Variants in EEF1AKMT1 observed in about 807,000 individuals in gnomAD.
The protein encoded by EEF1AKMT1 is N-6 adenine-specific DNA methyltransferase 2 (putative).
EEF1AKMT1 carries 18 observed loss-of-function variants against 21.0 expected under a neutral mutation model. The ratio of observed to expected loss-of-function variants is 0.86; its 90% confidence interval spans 0.59 to 1.27. The LOEUF (loss-of-function observed/expected upper bound fraction) is 1.27, where lower values mean the gene tolerates loss of function less well. Among genes scored for constraint, EEF1AKMT1 ranks in the 50% most tolerant of loss-of-function variants. EEF1AKMT1 has a pLI of 0.00. For missense variants in EEF1AKMT1, 246 were observed against 258.6 expected, an observed-to-expected ratio of 0.95 and a Z score of 0.33; for synonymous variants, 109 against 94.8, an observed-to-expected ratio of 1.15 and a Z score of -0.87.
chr13:20,762,783 G>A (rs1397321868), intron 1 of EEF1AKMT1, among the ~76,000 whole-genome samples: 1 of 152,096 alleles, frequency 6.6e-6, no homozygotes, highest in Non-Finnish European at 1.5e-5. Context: ...GAAAGTGCTG[G>A]GATTACAGGT....
chr13:20,748,726 G>GTTTTTTTTTTTTTTT (rs750094631), intron 2 of EEF1AKMT1, among the ~76,000 whole-genome samples: 58 of 72,602 alleles, frequency 8.0e-4, no homozygotes, highest in African/African-American at 3.5e-3. Context: ...TTTTTTTTTG[G>GTTTTTTTTTTTTTTT]TTTTTTTTTT....
chr13:20,738,355 G>A (rs1249816705), intron 2 of EEF1AKMT1, among the ~76,000 whole-genome samples: 1 of 152,170 alleles, frequency 6.6e-6, no homozygotes, highest in Non-Finnish European at 1.5e-5. Context: ...TCTGCTTCAT[G>A]CTGATTGGTG....
intron 1 of EEF1AKMT1, among the ~76,000 whole-genome samples, chr13:20,762,647 G>A (rs2059006769): frequency 6.6e-6 from 1 of 152,064 alleles, no homozygotes; most frequent in Non-Finnish European, 1.5e-5. Context: ...CCAAGCAGCT[G>A]GGACTACAGG....
chr13:20,744,380 T>G (rs2058890901), intron 2 of EEF1AKMT1, among the ~76,000 whole-genome samples: 1 of 152,238 alleles, frequency 6.6e-6, no homozygotes, highest in Non-Finnish European at 1.5e-5. Context: ...CCATTCTAAC[T>G]GGAGTGAGAT....
At chr13:20,730,628 C>A (rs2058787153) in intron 4 of EEF1AKMT1, among the ~76,000 whole-genome samples, 1 of 152,114 alleles carries the variant, frequency 6.6e-6, no homozygotes, top group Non-Finnish European at 1.5e-5. Context: ...AGAGGTGAAG[C>A]CAGCTGGACT....
intron 2 of EEF1AKMT1, 108 bp from the exon 3 acceptor site, chr13:20,737,913 A>T: frequency 1.4e-6 from 1 of 714,054 alleles, no homozygotes. Context: ...CTTTTAATTT[A>T]TATATAATCT....
chr13:20,763,584 C>T (rs2059012315), intron 1 of EEF1AKMT1, among the ~76,000 whole-genome samples: 1 of 152,042 alleles, frequency 6.6e-6, no homozygotes, highest in South Asian at 2.1e-4. Context: ...TCCCAAATAG[C>T]TGGGATTACA....
intron 1 of EEF1AKMT1, among the ~76,000 whole-genome samples, chr13:20,770,299 T>A (rs1255767130): frequency 1.6e-5 from 2 of 128,408 alleles, no homozygotes; most frequent in South Asian, 4.9e-4. Flanking sequence ...TGCTAGGGGC[T>A]GGGGGGAGGG....
intron 3 of EEF1AKMT1, among the ~76,000 whole-genome samples, chr13:20,735,549 T>C (rs1419201286): frequency 1.3e-5 from 2 of 152,026 alleles, no homozygotes; most frequent in African/African-American, 4.8e-5. Context: ...AGGAGAATCT[T>C]CCCTGGACCA....
chr13:20,765,169 G>T (rs551796641), intron 1 of EEF1AKMT1, among the ~76,000 whole-genome samples: 4 of 152,088 alleles, frequency 2.6e-5, no homozygotes, highest in Admixed American at 6.5e-5. Context: ...GCTGAGGCAG[G>T]AAAATCGCTT....
intron 3 of EEF1AKMT1, among the ~76,000 whole-genome samples, chr13:20,733,495 G>A (rs1478573819): frequency 6.6e-6 from 1 of 152,208 alleles, no homozygotes; most frequent in Non-Finnish European, 1.5e-5. Flanking sequence ...AAGGAGGCGT[G>A]AGCCACTGTG....
At chr13:20,736,163 A>G (rs1371282460) in intron 3 of EEF1AKMT1, among the ~76,000 whole-genome samples, 1 of 152,198 alleles carries the variant, frequency 6.6e-6, no homozygotes, top group Non-Finnish European at 1.5e-5. Flanking sequence ...CACATTGAAT[A>G]CCGGGGATTA....
intron 1 of EEF1AKMT1, among the ~76,000 whole-genome samples, chr13:20,763,847 G>A (rs897078008): frequency 3.9e-5 from 6 of 152,132 alleles, no homozygotes; most frequent in African/African-American, 7.2e-5. Flanking sequence ...GTGAGTTCTC[G>A]TAGTTTGTAG....
intron 2 of EEF1AKMT1, among the ~76,000 whole-genome samples, chr13:20,739,935 T>G (rs1426677378): frequency 1.3e-5 from 2 of 152,224 alleles, no homozygotes; most frequent in Non-Finnish European, 2.9e-5. Flanking sequence ...GTGCCAGTGC[T>G]TCTCAGCCCT....
At chr13:20,731,552 A>T (rs1463469225) in intron 4 of EEF1AKMT1, among the ~76,000 whole-genome samples, 1 of 152,250 alleles carries the variant, frequency 6.6e-6, no homozygotes, top group Non-Finnish European at 1.5e-5. Flanking sequence ...GCTGGATAAG[A>T]TACCGATAGT....
At chr13:20,746,408 C>T (rs1191917791) in intron 2 of EEF1AKMT1, among the ~76,000 whole-genome samples, 1 of 152,194 alleles carries the variant, frequency 6.6e-6, no homozygotes, top group Non-Finnish European at 1.5e-5. Context: ...GCCTTGGCTT[C>T]CCAAAGTGCT....
At chr13:20,765,238 C>A (rs904246052) in intron 1 of EEF1AKMT1, among the ~76,000 whole-genome samples, 1 of 151,834 alleles carries the variant, frequency 6.6e-6, no homozygotes, top group Non-Finnish European at 1.5e-5. Flanking sequence ...CCAGCCCAGG[C>A]AACAGTGCAA....
At chr13:20,730,793 G>A (rs1274076792) in intron 4 of EEF1AKMT1, among the ~76,000 whole-genome samples, 2 of 152,174 alleles carry the variant, frequency 1.3e-5, no homozygotes, top group Non-Finnish European at 2.9e-5. Flanking sequence ...GACGTGGGCA[G>A]GGACAAACGA....
chr13:20,752,285 A>G (rs1316102990), intron 2 of EEF1AKMT1, among the ~76,000 whole-genome samples: 3 of 152,074 alleles, frequency 2.0e-5, no homozygotes, highest in African/African-American at 4.8e-5. Flanking sequence ...CTGTGGGTTT[A>G]TCATATATAG....
Sources: allele counts gnomAD v4.1 joint callset (sites outside exome capture counted in the v4.1 genomes callset), GRCh38; gene constraint gnomAD v4.1.1; transcripts MANE v1.5; gene names NCBI Gene and HGNC (gene_info 2026-07-23, HGNC 2026-07-21).